Variants in MON2 observed in about 807,000 individuals in gnomAD.
The protein encoded by MON2 is MON2 regulator of endosome-to-Golgi trafficking, also known as protein MON2 homolog.
A neutral mutation model predicts 208.6 loss-of-function variants in MON2; 84 were observed. The ratio of observed to expected loss-of-function variants is 0.40; its 90% CI spans 0.34 to 0.48. The LOEUF is 0.48. Ranked by LOEUF, MON2 falls within the 20% of genes least tolerant of loss-of-function variation. The probability of loss-of-function intolerance (pLI) is 0.59; values close to 1 mark genes in which losing one functional copy is unlikely to be tolerated. For synonymous variants in MON2, 660 were observed against 694.0 expected, an observed-to-expected ratio of 0.95 and a Z score of 0.77; for missense variants, 1,611 against 2,015.4, an observed-to-expected ratio of 0.80 and a Z score of 3.84.
intron 8 of MON2, among the ~76,000 whole-genome samples, chr12:62,518,255 C>G (rs181083148): frequency 8.5e-5 from 13 of 152,340 alleles, no homozygotes; most frequent in African/African-American, 3.1e-4. Flanking sequence ...GGGGAATAGG[C>G]TTCAACACAT....
At chr12:62,574,309 A>G (rs1466930631) in intron 30 of MON2, among the ~76,000 whole-genome samples, 2 of 152,178 alleles carry the variant, frequency 1.3e-5, no homozygotes, top group Admixed American at 6.5e-5. Flanking sequence ...TTTTAAACCA[A>G]AATTCTAAAG....
rs753736270 is a variant in MON2 at position 62,537,722 on chromosome 12, T to C, written c.2118+16T>C. On this transcript the variant is annotated intron_variant, in intron 16 of 34. Coordinates refer to ENST00000393630, the MANE Select transcript of MON2 (RefSeq NM_015026.3). ...AACTCTTCAGGTATGTAAAAGTGTC[T>C]AGGTCAGAGATTAGTGTTGTTTTTA... is the stretch of plus-strand genomic sequence containing the variant. The C allele has an allele frequency of 5.1e-6, 8 of 1,563,146 alleles. No homozygotes were observed. Among genetic ancestry groups the C allele is most frequent in the Non-Finnish European group, 5.3e-6 (6 of 1,139,472 alleles).
At chr12:62,539,979 GA>G (rs1202582165) in intron 19 of MON2, among the ~76,000 whole-genome samples, 1 of 152,010 alleles carries the variant, frequency 6.6e-6, no homozygotes. Context: ...AAGAAAAAAA[GA>G]AAATATATAT....
At chr12:62,551,145 C>G (rs889460305) in intron 23 of MON2, among the ~76,000 whole-genome samples, 4 of 152,048 alleles carry the variant, frequency 2.6e-5, no homozygotes, top group Admixed American at 6.6e-5. Context: ...TTATCCTGTG[C>G]ATTCACAACT....
rs2072713830 is a variant in MON2, at chr12:62,532,725, C to T, written c.1633+55C>T. The T allele has an allele frequency of 6.5e-6, 9 of 1,377,564 alleles. No homozygotes were observed. In the East Asian group the frequency reaches 2.2e-4, roughly 33 times the overall value. The allele number at this position is 1,377,564 out of a possible 1,614,324, so 85.3% of individuals were successfully genotyped here. On this transcript the variant is annotated intron_variant, in intron 12 of 34. Transcript: ENST00000393630. ...GAAATAATTTGAAATTTACAATTTG[C>T]AAAAATTGTAGTCTTTATAAATCTT...
Position 62,537,147 on chromosome 12 carries a change from C to T in MON2, c.1901-4C>T, listed in dbSNP as rs369456455. On this transcript the variant is annotated splice_region_variant and splice_polypyrimidine_tract_variant and intron_variant, in intron 14 of 34. Transcript: ENST00000393630. ...AATTATTTAGGCTTTCCTTTGTGTT[C>T]TAGCATATTCCGTTCAGGGCCAAAG... 5.3e-5 allele frequency: 82 copies of T among 1,550,448 alleles called. No homozygotes were observed. Among genetic ancestry groups the T allele is most frequent in the Non-Finnish European group, 6.5e-5 (74 of 1,133,364 alleles).
chr12:62,534,955 A>T (rs780931241), intron 13 of MON2, 29 bp downstream of exon 13: 2 of 1,433,522 alleles, frequency 1.4e-6, no homozygotes, highest in Non-Finnish European at 9.4e-7. Flanking sequence ...TTTTATATTG[A>T]ACTGTGTCAG....
At chr12:62,580,991 A>C (rs1374825358) in intron 32 of MON2, among the ~76,000 whole-genome samples, 1 of 152,214 alleles carries the variant, frequency 6.6e-6, no homozygotes, top group African/African-American at 2.4e-5. Context: ...AACTATGTAC[A>C]AGATACTATG....
chr12:62,592,309 C>T (rs1203914650), intron 34 of MON2, among the ~76,000 whole-genome samples: 1 of 152,150 alleles, frequency 6.6e-6, no homozygotes, highest in African/African-American at 2.4e-5. Context: ...GCTTTGTTAG[C>T]TTTCAGAGCC....
At chr12:62,545,810 A>G (rs2073458094) in intron 21 of MON2, 1 of 152,222 alleles carries the variant, frequency 6.6e-6, no homozygotes, top group Non-Finnish European at 1.5e-5. Context: ...CAAGACAGAA[A>G]AGATATTATA....
chr12:62,484,195 T>A lies in MON2; in HGVS notation c.137T>A (p.Val46Asp). The A allele has an allele frequency of 6.2e-7, 1 of 1,601,606 alleles. No homozygotes were observed. ...KEAAESGIIK[V>D]KTIAARNTEI... Reference sequence around the variant, plus strand: ...GCTGCTGAATCAGGAATAATAAAAGTTAAAACAATTGCTGCACGAAACACT... The same window carrying A: ...GCTGCTGAATCAGGAATAATAAAAGATAAAACAATTGCTGCACGAAACACT... The change falls in exon 2 of 35, where the codon GTT becomes GAT. Residue 46 changes from valine to aspartate, a missense_variant. Val to Asp is a radical substitution (Grantham distance 152). Transcript: ENST00000393630.
chr12:62,588,281 C>T, intron 34 of MON2, 125 bp downstream of exon 34: 1 of 622,996 alleles, frequency 1.6e-6, no homozygotes. Flanking sequence ...TTCTCCAGTT[C>T]TCATGACAAC....
chr12:62,467,051 G>A lies in MON2; in HGVS notation c.-157G>A. On this transcript the variant is annotated 5_prime_UTR_variant, in exon 1 of 35. Transcript: ENST00000393630. ...AGGTGTTGCGGGGAAGCTGCTGGGGGACGCTCGAGCAGGCTCCGGGTTCGC... is the reference window on the plus strand; with the variant it reads ...AGGTGTTGCGGGGAAGCTGCTGGGGAACGCTCGAGCAGGCTCCGGGTTCGC... The A allele has an allele frequency of 3.3e-6, 2 of 605,744 alleles. No individual in the cohort carries two copies. Among genetic ancestry groups the A allele is most frequent in the South Asian group, 2.0e-5 (1 of 51,108 alleles). The allele number at this position is 605,744 out of a possible 1,614,324, so 37.5% of individuals were successfully genotyped here.
At chr12:62,558,983 G>A (rs1026566751) in intron 25 of MON2, among the ~76,000 whole-genome samples, 2 of 152,064 alleles carry the variant, frequency 1.3e-5, no homozygotes, top group South Asian at 2.1e-4. Flanking sequence ...CAGATGTGAG[G>A]CACTGGGCCC....
intron 1 of MON2, chr12:62,470,872 G>A (rs1345799982): frequency 5.1e-6 from 2 of 388,776 alleles, no homozygotes; most frequent in African/African-American, 4.4e-5. Context: ...TTGATATTTA[G>A]TAACATTGCC....
At position 62,501,650 on chromosome 12, in the gene MON2, C is replaced by A; in HGVS notation, c.741C>A (p.Leu247=). The A allele has an allele frequency of 6.2e-7, 1 of 1,614,076 alleles. No homozygotes were observed. Among genetic ancestry groups the A allele is most frequent in the Middle Eastern group, 1.6e-4 (1 of 6,062 alleles). ...GMTEMTRTFG[L]ELLESVLNDF... ...CAGAAATGACTCGGACGTTTGGCCT[C>A]GAATTACTTGAGTCAGTCCTCAATG... Residue 247 remains leucine, a synonymous_variant, in exon 7 of 35, where the codon CTC becomes CTA. Transcript: ENST00000393630.
In MON2 at chr12:62,494,021, G is replaced by A. The variant is rs746962677; in HGVS notation, c.282G>A (p.Met94Ile). The change falls in exon 3 of 35, where the codon ATG becomes ATA. Residue 94 changes from methionine (M) to isoleucine (I), a missense_variant. Coordinates refer to ENST00000393630, the MANE Select transcript of MON2 (RefSeq NM_015026.3). ...GTTTGGCTGCTATTCAGAGACTCAT[G>A]TCACATGAAGTCGTGTCTGAGGTAA... ...QLCLAAIQRL[M>I]SHEVVSETAA... 3 of 1,612,918 alleles carry A rather than the reference G, an allele frequency of 1.9e-6. No individual in the cohort carries two copies. In the South Asian group the frequency reaches 3.3e-5, roughly 18 times the overall value.
At chr12:62,493,244 C>T (rs1265145071) in intron 2 of MON2, among the ~76,000 whole-genome samples, 1 of 151,758 alleles carries the variant, frequency 6.6e-6, no homozygotes, top group African/African-American at 2.4e-5. Context: ...TTTCTAACCT[C>T]GTGCATTTTC....
chr12:62,537,786 G>T, intron 16 of MON2, 80 bp downstream of exon 16: 1 of 1,136,536 alleles, frequency 8.8e-7, no homozygotes, highest in South Asian at 1.4e-5. Flanking sequence ...AATGTATTTT[G>T]ATGTTTTGGA....
Sources: allele counts gnomAD v4.1 joint callset (sites outside exome capture counted in the v4.1 genomes callset), GRCh38; gene constraint gnomAD v4.1.1; transcripts MANE v1.5; gene names NCBI Gene and HGNC (gene_info 2026-07-23, HGNC 2026-07-21).